Variants in SPAG17 observed in about 807,000 individuals in gnomAD.
The protein encoded by SPAG17 is sperm-associated antigen 17.
A neutral mutation model predicts 273.6 loss-of-function variants in SPAG17; 169 were observed. The observed-to-expected ratio is 0.62, with a 90% CI of 0.55 to 0.70. The LOEUF (loss-of-function observed/expected upper bound fraction) is 0.70, where lower values mean the gene tolerates loss of function less well. SPAG17 is among the 30% of genes least tolerant of loss of function. The pLI is 0.00. For synonymous variants in SPAG17, 825 were observed against 873.2 expected, an observed-to-expected ratio of 0.94 and a Z score of 0.97; for missense variants, 2,557 against 2,627.8, an observed-to-expected ratio of 0.97 and a Z score of 0.59.
intron 31 of SPAG17, 79 bp from the exon 32 acceptor site, chr1:118,005,681 A>G: frequency 9.9e-7 from 1 of 1,010,828 alleles, no homozygotes; most frequent in Non-Finnish European, 1.3e-6. Context: ...ATTTTAGGAG[A>G]AAGAATACCC....
intron 20 of SPAG17, among the ~76,000 whole-genome samples, chr1:118,052,854 C>T (rs1336250041): frequency 1.3e-5 from 2 of 151,698 alleles, no homozygotes; most frequent in Admixed American, 6.6e-5. Flanking sequence ...AATAATATGC[C>T]ATGAACATAT....
At chr1:118,183,656 G>T (rs553983594) in intron 1 of SPAG17, among the ~76,000 whole-genome samples, 1 of 152,228 alleles carries the variant, frequency 6.6e-6, no homozygotes, top group East Asian at 1.9e-4. Flanking sequence ...AGGACAAATA[G>T]TGCCTTTAGG....
At chr1:118,150,088 T>G (rs1659287800) in intron 3 of SPAG17, among the ~76,000 whole-genome samples, 1 of 152,202 alleles carries the variant, frequency 6.6e-6, no homozygotes, top group African/African-American at 2.4e-5. Context: ...CACAAACTGA[T>G]GGAAAATCAC....
chr1:118,083,240 G>A (rs1262111276), intron 13 of SPAG17, among the ~76,000 whole-genome samples: 1 of 152,164 alleles, frequency 6.6e-6, no homozygotes. Flanking sequence ...ATAGTCATGA[G>A]CCAAGCACCT....
chr1:118,104,993 T>C (rs967064698), intron 4 of SPAG17, among the ~76,000 whole-genome samples: 2 of 152,100 alleles, frequency 1.3e-5, no homozygotes, highest in East Asian at 3.9e-4. Flanking sequence ...ACAGTGAAGA[T>C]ACGGGGCTGA....
Position 117,973,522 on chromosome 1 carries a change from G to C in SPAG17, c.6044C>G (p.Ser2015Cys), listed in dbSNP as rs1368502514. The change falls in exon 44 of 49, where the codon TCC (serine) becomes TGC (cysteine). Residue 2015 changes from serine (S) to cysteine (C), a missense_variant. Physicochemically the swap from Ser to Cys is moderately radical, Grantham distance 112 (BLOSUM62 -1). Coordinates refer to ENST00000336338, the MANE Select transcript of SPAG17 (RefSeq NM_206996.4). ...SYEPVKIPTQ[S>C]LLQDVAGQTR... is the part of the protein sequence containing the mutation. Reference sequence around the variant, plus strand: ...TTGTCCCGCAACATCCTGCAGCAAGGACTGGGTTGGAATTTTCACGGGCTC... The same window carrying C: ...TTGTCCCGCAACATCCTGCAGCAAGCACTGGGTTGGAATTTTCACGGGCTC... The C allele has an allele frequency of 1.9e-6, 3 of 1,613,968 alleles. No individual in the cohort carries two copies. Among genetic ancestry groups the C allele is most frequent in the Non-Finnish European group, 2.5e-6 (3 of 1,179,906 alleles).
chr1:118,027,297 A>T lies in SPAG17; in HGVS notation c.3730+977T>A, dbSNP rs370354841. Among the ~76,000 whole-genome samples the T allele has an allele frequency of 1.5e-4, 23 of 152,282 alleles. No individual in the cohort carries two copies. In the South Asian group the frequency reaches 4.8e-3, roughly 32 times the overall value. Reference sequence around the variant, plus strand: ...ATTCAGAATGCCTAAGGAGAAGCGAAATTTAACTTCAACATTTAGTTTCTG... The same window carrying T: ...ATTCAGAATGCCTAAGGAGAAGCGATATTTAACTTCAACATTTAGTTTCTG... On this transcript the variant is annotated intron_variant, in intron 26 of 48. Transcript: ENST00000336338.
intron 4 of SPAG17, among the ~76,000 whole-genome samples, chr1:118,107,805 TGAA>T (rs79134050): frequency 6.6e-6 from 1 of 152,182 alleles, no homozygotes; most frequent in Non-Finnish European, 1.5e-5. Flanking sequence ...GGAAGATGAG[TGAA>T]GAAGATGTGC....
chr1:118,116,970 T>A (rs1280786703), intron 3 of SPAG17, among the ~76,000 whole-genome samples: 1 of 152,200 alleles, frequency 6.6e-6, no homozygotes, highest in Non-Finnish European at 1.5e-5. Context: ...CATTTAATGA[T>A]GACCAGATCC....
chr1:118,153,530 T>C (rs750326769), intron 1 of SPAG17, among the ~76,000 whole-genome samples: 20 of 152,210 alleles, frequency 1.3e-4, no homozygotes, highest in Admixed American at 1.3e-3. Context: ...ATCTCAAATG[T>C]ATACATGTGT....
chr1:118,007,924 T>C (rs1659067142), intron 31 of SPAG17, 120 bp downstream of exon 31: 3 of 978,306 alleles, frequency 3.1e-6, no homozygotes, highest in African/African-American at 1.6e-5. Context: ...GTTAGTATTA[T>C]AAGAGAATGA....
Position 118,109,367 on chromosome 1 carries a change from G to A in SPAG17, c.447+5943C>T, listed in dbSNP as rs148970576. On this transcript the variant is annotated intron_variant, in intron 4 of 48. Coordinates refer to ENST00000336338, the MANE Select transcript of SPAG17 (RefSeq NM_206996.4). The stretch of plus-strand genomic sequence containing the variant: ...TTGAGACCAGCTTGGCCAACATGGC[G>A]ATATCCCATCTTTACTAAAAAAAAA... Among the ~76,000 whole-genome samples, 934 of 140,478 alleles carry A rather than the reference G, an allele frequency of 6.6e-3. 9 individuals are homozygous for A. Among genetic ancestry groups the A allele is most frequent in the African/African-American group, 0.023 (885 of 38,584 alleles). 92.2% of individuals were successfully genotyped at this position (140,478 alleles called of 152,430 possible). A position where few individuals can be genotyped will look rare whatever the true frequency, so the allele number is the denominator to read the frequency against.
chr1:117,998,973 C>T (rs574543294), intron 32 of SPAG17, among the ~76,000 whole-genome samples: 17 of 152,058 alleles, frequency 1.1e-4, no homozygotes, highest in Non-Finnish European at 2.2e-4. Context: ...TAATGCTATC[C>T]ATCCCCCAGC....
At chr1:117,988,950 T>C (rs1425908469) in intron 38 of SPAG17, among the ~76,000 whole-genome samples, 1 of 152,218 alleles carries the variant, frequency 6.6e-6, no homozygotes, top group Non-Finnish European at 1.5e-5. Context: ...ATGCAACAGC[T>C]GTTTATTTCC....
intron 20 of SPAG17, among the ~76,000 whole-genome samples, chr1:118,052,814 A>C (rs1014133742): frequency 4.6e-5 from 7 of 152,048 alleles, no homozygotes; most frequent in African/African-American, 1.7e-4. Context: ...ATAAAATGCT[A>C]TCAAATCAAA....
chr1:118,120,893 T>C (rs143580953), intron 3 of SPAG17, among the ~76,000 whole-genome samples: 1 of 152,232 alleles, frequency 6.6e-6, no homozygotes, highest in African/African-American at 2.4e-5. Context: ...GGTTTAGCTA[T>C]ATTTTGAGAT....
intron 38 of SPAG17, among the ~76,000 whole-genome samples, chr1:117,990,622 G>T (rs10923462): frequency 0.052 from 7,920 of 152,226 alleles, 437 homozygotes; most frequent in East Asian, 0.29. Context: ...CTTAATGGAT[G>T]AAAGTTAAAG....
At chr1:118,171,745 C>T (rs1440541939) in intron 1 of SPAG17, among the ~76,000 whole-genome samples, 4 of 152,080 alleles carry the variant, frequency 2.6e-5, no homozygotes, top group Non-Finnish European at 4.4e-5. Flanking sequence ...TACCTCATAG[C>T]ACTGCTGTAG....
intron 46 of SPAG17, 74 bp downstream of exon 46, chr1:117,969,982 C>T: frequency 5.1e-6 from 7 of 1,367,492 alleles, no homozygotes; most frequent in East Asian, 4.6e-5. Flanking sequence ...TTTCAAAGCC[C>T]ACTTCACTGG....
Sources: gnomAD v4.1 joint callset for allele counts (sites outside exome capture counted in the v4.1 genomes callset) on GRCh38, gnomAD v4.1.1 for gene constraint, MANE v1.5 for transcripts, NCBI Gene and HGNC (gene_info 2026-07-23, HGNC 2026-07-21) for gene names.